Variants in DNAH17 observed in about 807,000 individuals in gnomAD.
DNAH17 encodes dynein axonemal heavy chain 17, also known as axonemal beta dynein heavy chain 17.
DNAH17 carries 376 observed loss-of-function variants against 485.6 expected under a neutral mutation model. The observed-to-expected ratio is 0.77, with a 90% CI of 0.71 to 0.84. The LOEUF (loss-of-function observed/expected upper bound fraction) is 0.84, where lower values mean the gene tolerates loss of function less well. Among genes scored for constraint, DNAH17 ranks in the 40% least tolerant of loss-of-function variants. The probability of loss-of-function intolerance (pLI) is 0.00; values close to 1 mark genes in which losing one functional copy is unlikely to be tolerated. For missense variants in DNAH17, 6,370 were observed against 5,839.3 expected (o/e 1.09, Z -2.96); for synonymous variants, 3,031 against 2,405.9 (o/e 1.26, Z -7.60).
In DNAH17 at chr17:78,547,289, G is replaced by C. The variant is rs546631505; in HGVS notation, c.2392-3292C>G. On this transcript the variant is annotated intron_variant, in intron 16 of 80. Transcript: ENST00000389840. ...CCAAATGGTATTTTTCCAAGCCCCT[G>C]CATGTGTGAGGATGACTTTACTGCT... 6.6e-5 allele frequency among the ~76,000 whole-genome samples: 10 copies of C among 152,310 alleles called. No individual in the cohort carries two copies. In the South Asian group the frequency reaches 1.7e-3, roughly 25 times the overall value.
Position 78,462,863 on chromosome 17 carries a change from A to G in DNAH17, c.9155T>C (p.Leu3052Pro), listed in dbSNP as rs2088208313. 6.2e-7 allele frequency: 1 copy of G among 1,613,876 alleles called. No homozygotes were observed. Among genetic ancestry groups the G allele is most frequent in the Admixed American group, 1.7e-5 (1 of 60,010 alleles). Residue 3052 changes from leucine (L) to proline (P), a missense_variant, in exon 57 of 81, where the codon CTG (leucine) becomes CCG (proline). Coordinates refer to ENST00000389840, the MANE Select transcript of DNAH17 (RefSeq NM_173628.4). ...TCCTACCTGGGAAGCCGTGCTCTGCAGCTTCATCAGGCCGTTCTCCAGCCT... is the reference window on the plus strand; with the variant it reads ...TCCTACCTGGGAAGCCGTGCTCTGCGGCTTCATCAGGCCGTTCTCCAGCCT... The part of the protein sequence containing the change: ...IERLENGLMK[L>P]QSTASQVDDL...
chr17:78,450,591 T>C lies in DNAH17; in HGVS notation c.10899+91A>G. 3 of 1,500,662 alleles carry C rather than the reference T, an allele frequency of 2.0e-6. No individual in the cohort carries two copies. The South Asian group carries it at 3.8e-5, about 19-fold the overall frequency. 93.0% of individuals were successfully genotyped at this position (1,500,662 alleles called of 1,614,324 possible). A position where few individuals can be genotyped will look rare whatever the true frequency, so the allele number is the denominator to read the frequency against. ...GGGCACGTATGACCGAAGCTGCTTT[T>C]CTCCTTTCTCATGGTAGGGAGGCGC... is the stretch of plus-strand genomic sequence containing the variant. On this transcript the variant is annotated intron_variant, in intron 67 of 80. Transcript: ENST00000389840.
chr17:78,532,803 C>CT, intron 19 of DNAH17, 67 bp from the exon 20 acceptor site: 1 of 1,472,120 alleles, frequency 6.8e-7, no homozygotes, highest in Non-Finnish European at 9.0e-7. Flanking sequence ...AGGTGTTGTC[C>CT]TCTCGGCCTT....
At chr17:78,570,140 C>T (rs2092330379) in intron 7 of DNAH17, 107 bp downstream of exon 7, 5 of 1,310,208 alleles carry the variant, frequency 3.8e-6, no homozygotes, top group East Asian at 2.6e-5. Context: ...GACATCTTGG[C>T]CTGCTTTCAA....
rs1318293918 is a variant in DNAH17, at chr17:78,466,786, C to T, written c.8809G>A (p.Val2937Met). ...VILCFSPVGSVLRVRARKFPA... is the reference protein window; with the variant it reads ...VILCFSPVGSMLRVRARKFPA... ...AACTTTCTGGCTCGTACCCGCAGCACGGAGCCCACAGGGGAGAAACACAGG... is the reference window on the plus strand; with the variant it reads ...AACTTTCTGGCTCGTACCCGCAGCATGGAGCCCACAGGGGAGAAACACAGG... The change falls in exon 56 of 81, where the codon GTG (valine) becomes ATG (methionine). Residue 2937 changes from valine to methionine, a missense_variant. By Grantham distance (21) the Val-to-Met change is conservative. Coordinates refer to ENST00000389840, the MANE Select transcript of DNAH17 (RefSeq NM_173628.4). 1.6e-5 allele frequency: 25 copies of T among 1,601,916 alleles called. No individual in the cohort carries two copies. The highest frequency in any genetic ancestry group is 1.8e-5 in the Non-Finnish European group (21 of 1,174,666).
Position 78,455,617 on chromosome 17 carries a change from G to A in DNAH17, c.10170+27C>T, listed in dbSNP as rs538156141. The A allele has an allele frequency of 1.2e-4, 186 of 1,490,872 alleles. 1 individual carries two copies. The South Asian group carries it at 1.3e-3, about 11-fold the overall frequency. The allele number at this position is 1,490,872 out of a possible 1,614,324, so 92.4% of individuals were successfully genotyped here. On this transcript the variant is annotated intron_variant, in intron 63 of 80. Coordinates refer to ENST00000389840, the MANE Select transcript of DNAH17 (RefSeq NM_173628.4). ...GCTGGCATTACAGGCGTGAGCCACC[G>A]CGCCTGGCCAGGACTCCACTCCTTA...
chr17:78,510,758 C>CCCCA (rs1555679578), intron 26 of DNAH17: 10 of 394,436 alleles, frequency 2.5e-5, no homozygotes, highest in African/African-American at 4.2e-5. Context: ...GCGGCCCCCC[C>CCCCA]GCAAAATTCA....
intron 26 of DNAH17, among the ~76,000 whole-genome samples, chr17:78,514,503 CAAAAA>C (rs79884057): frequency 1.8e-5 from 2 of 112,154 alleles, no homozygotes; most frequent in Non-Finnish European, 3.5e-5. Flanking sequence ...GACTCCGTCT[CAAAAA>C]AAAAAAAAAA....
At chr17:78,484,442 G>C (rs1358865902) in intron 48 of DNAH17, among the ~76,000 whole-genome samples, 2 of 152,124 alleles carry the variant, frequency 1.3e-5, no homozygotes, top group African/African-American at 4.8e-5. Context: ...GCATCTCTCT[G>C]CTGGGGCTCC....
chr17:78,495,847 G>A, intron 38 of DNAH17, 28 bp downstream of exon 38: 4 of 1,602,432 alleles, frequency 2.5e-6, no homozygotes, highest in Middle Eastern at 1.7e-4. Context: ...GCTCACTGCA[G>A]CCACTCACTT....
At chr17:78,479,218 A>G (rs2146615228) in intron 50 of DNAH17, 102 bp from the exon 51 acceptor site, 5 of 1,214,422 alleles carry the variant, frequency 4.1e-6, no homozygotes, top group Non-Finnish European at 5.9e-6. Flanking sequence ...AATGGTGACA[A>G]CTGGAGTAAG....
Position 78,543,994 on chromosome 17 carries a change from A to C in DNAH17, c.2395T>G (p.Trp799Gly), listed in dbSNP as rs1476244350. 24 of 1,613,908 alleles carry C rather than the reference A, an allele frequency of 1.5e-5. No individual in the cohort carries two copies. Among genetic ancestry groups the C allele is most frequent in the Non-Finnish European group, 2.0e-5 (24 of 1,179,896 alleles). ...IEGISQAMKD[W>G]SANPLFERKD... is the part of the protein sequence containing the mutation. ...CTTTCAAACAGCGGGTTGGCCGACCAGTCCTGGAAGGAAAGCACAGGAGTG... is the reference window on the plus strand; with the variant it reads ...CTTTCAAACAGCGGGTTGGCCGACCCGTCCTGGAAGGAAAGCACAGGAGTG... The change falls in exon 17 of 81, where the codon TGG becomes GGG. Residue 799 changes from tryptophan (W) to glycine (G), a missense_variant. By Grantham distance (184) the Trp-to-Gly change is radical. Coordinates refer to ENST00000389840, the MANE Select transcript of DNAH17 (RefSeq NM_173628.4).
chr17:78,453,609 G>T, intron 64 of DNAH17, 144 bp from the exon 65 acceptor site: 1 of 1,088,526 alleles, frequency 9.2e-7, no homozygotes, highest in Non-Finnish European at 1.3e-6. Flanking sequence ...GTTCCCAACA[G>T]CTCGCCCTTT....
chr17:78,525,556 G>T (rs1055804081), intron 24 of DNAH17, among the ~76,000 whole-genome samples: 1 of 152,234 alleles, frequency 6.6e-6, no homozygotes, highest in Admixed American at 6.5e-5. Flanking sequence ...GGAAAAATCC[G>T]TAGTGTCCTC....
intron 27 of DNAH17, 86 bp downstream of exon 27, chr17:78,510,298 G>C: frequency 6.4e-7 from 1 of 1,566,940 alleles, no homozygotes; most frequent in Non-Finnish European, 8.7e-7. Flanking sequence ...GGGGCTGCAG[G>C]ACCCCTCTGG....
At chr17:78,494,467 A>G in intron 40 of DNAH17, 126 bp downstream of exon 40, 2 of 1,133,720 alleles carry the variant, frequency 1.8e-6, no homozygotes. Context: ...TGTGGCTCAG[A>G]GGTCTCTTTG....
At chr17:78,552,278 A>G (rs2091919019) in intron 15 of DNAH17, among the ~76,000 whole-genome samples, 2 of 152,274 alleles carry the variant, frequency 1.3e-5, no homozygotes, top group Non-Finnish European at 2.9e-5. Flanking sequence ...CAGTGGTGGA[A>G]TGAAGGGAAG....
At chr17:78,466,944 A>G in intron 55 of DNAH17, 128 bp from the exon 56 acceptor site, 5 of 956,046 alleles carry the variant, frequency 5.2e-6, no homozygotes, top group Non-Finnish European at 7.3e-6. Flanking sequence ...GGGCCTGGGC[A>G]GCACAGTCCT....
intron 38 of DNAH17, among the ~76,000 whole-genome samples, 195 bp downstream of exon 38, chr17:78,495,680 C>T (rs1189192103): frequency 6.6e-6 from 1 of 152,128 alleles, no homozygotes; most frequent in African/African-American, 2.4e-5. Context: ...TCAGGTGATC[C>T]ACCCTCCTCA....
Sources: allele counts gnomAD v4.1 joint callset (sites outside exome capture counted in the v4.1 genomes callset), GRCh38; gene constraint gnomAD v4.1.1; transcripts MANE v1.5; gene names NCBI Gene and HGNC (gene_info 2026-07-23, HGNC 2026-07-21).